Variants in KRTCAP2 observed in about 807,000 individuals in gnomAD.
The protein encoded by KRTCAP2 is dolichyl-diphosphooligosaccharide--protein glycosyltransferase subunit KCP2.
KRTCAP2 carries 10 observed loss-of-function variants against 16.5 expected under a neutral mutation model. That is an observed-to-expected ratio of 0.60 (90% CI 0.37 to 1.02). The LOEUF is 1.02. Ranked by LOEUF, KRTCAP2 falls within the 50% of genes least tolerant of loss-of-function variation. The pLI, the probability that KRTCAP2 is intolerant of heterozygous loss-of-function variation, is 0.01. For synonymous variants in KRTCAP2, 68 were observed against 69.8 expected, an observed-to-expected ratio of 0.97 and a Z score of 0.13; for missense variants, 152 against 159.6, an observed-to-expected ratio of 0.95 and a Z score of 0.26.
Position 155,172,745 on chromosome 1 carries a change from G to A in KRTCAP2, c.152C>T (p.Ser51Leu), listed in dbSNP as rs942235590. 5 of 1,614,070 alleles carry A rather than the reference G, an allele frequency of 3.1e-6. No homozygotes were observed. Among genetic ancestry groups the A allele is most frequent in the African/African-American group, 1.3e-5 (1 of 74,926 alleles). ...CAACTGCAGGGAGGATACAGTGAGC[G>A]AGAACACGAAGAGACCCGAACCAAG... ...GLLGSGLFVF[S>L]LTAFNNLENL... is the part of the protein sequence containing the mutation. The change falls in exon 2 of 5, where the codon TCG becomes TTG. Residue 51 changes from serine (S) to leucine (L), a missense_variant. Transcript: ENST00000295682.
intron 4 of KRTCAP2, 38 bp from the exon 5 acceptor site, chr1:155,169,598 G>A: frequency 1.2e-6 from 2 of 1,606,330 alleles, no homozygotes; most frequent in Non-Finnish European, 1.7e-6. Context: ...GCACCAGTGG[G>A]CATCTGCCAG....
At position 155,172,744 on chromosome 1, in the gene KRTCAP2, C is replaced by T. The variant is rs757931057; in HGVS notation, c.153G>A (p.Ser51=). ...GLLGSGLFVF[S]LTAFNNLENL... ...CCAACTGCAGGGAGGATACAGTGAG[C>T]GAGAACACGAAGAGACCCGAACCAA... Residue 51 remains serine (S), a synonymous_variant, in exon 2 of 5, where the codon TCG becomes TCA. Transcript: ENST00000295682. The T allele has an allele frequency of 1.9e-6, 3 of 1,614,002 alleles. No homozygotes were observed. In the African/African-American group the frequency reaches 4.0e-5, roughly 22 times the overall value.
At chr1:155,170,078 C>T (rs779799503) in intron 3 of KRTCAP2, 29 of 443,436 alleles carry the variant, frequency 6.5e-5, no homozygotes, top group Non-Finnish European at 1.0e-4. Context: ...CCCAGCACTT[C>T]GGGAGGCTGA....
rs967911295 is a variant in KRTCAP2, at chr1:155,172,596, G to A, written c.192C>T (p.Gly64=). 1 of 1,614,212 alleles carries A rather than the reference G, an allele frequency of 6.2e-7. No homozygotes were observed. Among genetic ancestry groups the A allele is most frequent in the Non-Finnish European group, 8.5e-7 (1 of 1,180,038 alleles). ...AFNNLENLVF[G]KGFQAKIFPE... is the part of the protein sequence containing the mutation. ...GGAAGATCTTTGCTTGGAATCCTTT[G>A]CCAAAGACAAGATTCTCCAGATTAT... Residue 64 remains glycine, a synonymous_variant, in exon 3 of 5, where the codon GGC becomes GGT. Coordinates refer to ENST00000295682, the MANE Select transcript of KRTCAP2 (RefSeq NM_173852.4).
chr1:155,173,183 C>T (rs1215167319), intron 1 of KRTCAP2, 38 bp downstream of exon 1: 11 of 1,565,968 alleles, frequency 7.0e-6, no homozygotes, highest in Admixed American at 1.7e-5. Context: ...ACCCCGACCC[C>T]CTCTAGGACT....
rs1156758147 is a variant in KRTCAP2, at chr1:155,173,270, C to T, written c.-46G>A. 3 of 1,614,130 alleles carry T rather than the reference C, an allele frequency of 1.9e-6. No homozygotes were observed. The highest frequency in any genetic ancestry group is 2.2e-5 in the South Asian group (2 of 91,062). ...AACCGGCGCCTCTGGCCAAGAAAGG[C>T]GAGCTGAACCGGGTGCGGTTAGCTA... On this transcript the variant is annotated 5_prime_UTR_variant, in exon 1 of 5. Transcript: ENST00000295682.
At chr1:155,171,662 A>T in intron 3 of KRTCAP2, 1 of 794,070 alleles carries the variant, frequency 1.3e-6, no homozygotes, top group Non-Finnish European at 1.5e-6. Flanking sequence ...GTTCGAGACC[A>T]GCCTGGGCAA....
chr1:155,171,802 C>A, intron 3 of KRTCAP2: 1 of 792,426 alleles, frequency 1.3e-6, no homozygotes, highest in Non-Finnish European at 1.5e-6. Context: ...CTTCAGTGAT[C>A]ACATCCCTGC....
intron 4 of KRTCAP2, 83 bp from the exon 5 acceptor site, chr1:155,169,643 G>C: frequency 6.6e-7 from 1 of 1,513,868 alleles, no homozygotes; most frequent in Non-Finnish European, 9.1e-7. Flanking sequence ...TAGCATCAAG[G>C]AAAGAATCCA....
At chr1:155,171,837 A>G in intron 3 of KRTCAP2, 2 of 924,096 alleles carry the variant, frequency 2.2e-6, no homozygotes, top group Non-Finnish European at 2.6e-6. Context: ...GACAGAGTAA[A>G]GCCTTGTCTC....
chr1:155,172,952 G>T, intron 1 of KRTCAP2, 60 bp from the exon 2 acceptor site: 1 of 1,572,122 alleles, frequency 6.4e-7, no homozygotes, highest in Non-Finnish European at 8.7e-7. Context: ...GGCAAGCTAC[G>T]GGCAGATCAG....
At chr1:155,172,955 C>A (rs1665318020) in intron 1 of KRTCAP2, 63 bp from the exon 2 acceptor site, 2 of 1,567,724 alleles carry the variant, frequency 1.3e-6, no homozygotes, top group Non-Finnish European at 8.7e-7. Context: ...AAGCTACGGG[C>A]AGATCAGCCG....
chr1:155,172,721 A>C lies in KRTCAP2; in HGVS notation c.159+17T>G. ...CATGCCTACGTGGCCCGCCCCCTCC[A>C]ACTGCAGGGAGGATACAGTGAGCGA... On this transcript the variant is annotated intron_variant, in intron 2 of 4. Coordinates refer to ENST00000295682, the MANE Select transcript of KRTCAP2 (RefSeq NM_173852.4). 6.2e-7 allele frequency: 1 copy of C among 1,614,168 alleles called. No homozygotes were observed. Among genetic ancestry groups the C allele is most frequent in the South Asian group, 1.1e-5 (1 of 91,086 alleles).
chr1:155,170,340 CA>C (rs71077986), intron 3 of KRTCAP2: 29,619 of 74,406 alleles, frequency 0.4, 3,039 homozygotes, highest in East Asian at 0.64. Context: ...ACCCCGTCTC[CA>C]AAAAAAAAAA....
At chr1:155,171,434 A>G in intron 3 of KRTCAP2, 4 of 982,420 alleles carry the variant, frequency 4.1e-6, no homozygotes, top group Non-Finnish European at 4.8e-6. Flanking sequence ...AAAAAAAAAA[A>G]AGAAGCAAGT....
chr1:155,173,280 C>A lies in KRTCAP2; in HGVS notation c.-56G>T. 1 of 1,614,050 alleles carries A rather than the reference C, an allele frequency of 6.2e-7. No homozygotes were observed. Among genetic ancestry groups the A allele is most frequent in the Non-Finnish European group, 8.5e-7 (1 of 1,179,970 alleles). On this transcript the variant is annotated 5_prime_UTR_variant, in exon 1 of 5. Transcript: ENST00000295682. The stretch of plus-strand genomic sequence containing the variant: ...TCTGGCCAAGAAAGGCGAGCTGAAC[C>A]GGGTGCGGTTAGCTATGCGCATGCG...
rs1158189406 is a variant in KRTCAP2 at position 155,172,756 on chromosome 1, G to A, written c.141C>T (p.Leu47=). The change falls in exon 2 of 5, where the codon CTC becomes CTT. Residue 47 remains leucine (L), a synonymous_variant. Transcript: ENST00000295682. ...AGGATACAGTGAGCGAGAACACGAAGAGACCCGAACCAAGCAGGCCGCCCT... is the reference window on the plus strand; with the variant it reads ...AGGATACAGTGAGCGAGAACACGAAAAGACCCGAACCAAGCAGGCCGCCCT... ...TIQGGLLGSG[L]FVFSLTAFNN... The A allele has an allele frequency of 1.2e-6, 2 of 1,614,222 alleles. No individual in the cohort carries two copies. The highest frequency in any genetic ancestry group is 2.2e-5 in the East Asian group (1 of 44,882).
intron 3 of KRTCAP2, 78 bp downstream of exon 3, chr1:155,172,487 C>T: frequency 6.2e-7 from 1 of 1,611,654 alleles, no homozygotes; most frequent in Non-Finnish European, 8.5e-7. Context: ...TTCACCTAAG[C>T]ATCTGGAAAT....
intron 1 of KRTCAP2, 46 bp downstream of exon 1, chr1:155,173,175 C>T (rs1295255133): frequency 1.3e-6 from 2 of 1,524,726 alleles, no homozygotes; most frequent in East Asian, 4.6e-5. Flanking sequence ...CCACCCAAAC[C>T]CCGACCCCCT....
Sources: gnomAD v4.1 joint callset for allele counts on GRCh38, gnomAD v4.1.1 for gene constraint, MANE v1.5 for transcripts, NCBI Gene and HGNC (gene_info 2026-07-23, HGNC 2026-07-21) for gene names.